PPM1G: variants seen among roughly 807,000 people sequenced by gnomAD.
PPM1G encodes protein phosphatase, Mg2+/Mn2+ dependent 1G, also known as protein phosphatase 1G.
PPM1G carries 12 observed loss-of-function variants against 59.4 expected under a neutral mutation model. The ratio of observed to expected loss-of-function variants is 0.20; its 90% CI spans 0.13 to 0.33. The LOEUF (loss-of-function observed/expected upper bound fraction) is 0.33, where lower values mean the gene tolerates loss of function less well. Ranked by LOEUF, PPM1G falls within the 10% of genes least tolerant of loss-of-function variation. PPM1G has a pLI of 1.00. For missense variants in PPM1G, 392 were observed against 681.3 expected (o/e 0.58, Z 4.73); for synonymous variants, 245 against 251.9 (o/e 0.97, Z 0.26).
chr2:27,384,634 C>A lies in PPM1G; in HGVS notation c.825+39G>T, dbSNP rs1683718091. 1 of 1,559,610 alleles carries A rather than the reference C, an allele frequency of 6.4e-7. No individual in the cohort carries two copies. Among genetic ancestry groups the A allele is most frequent in the Non-Finnish European group, 8.7e-7 (1 of 1,151,394 alleles). On this transcript the variant is annotated intron_variant, in intron 5 of 9. Coordinates refer to ENST00000344034, the MANE Select transcript of PPM1G (RefSeq NM_177983.3). The surrounding 1 kb of genome is among the most constrained non-coding windows in gnomAD (Gnocchi z 4.8). ...CAGACGGCAACCAAACAGGACCTCT[C>A]TGCAACTTCAGCATCTGCCTGCCCT... is the stretch of plus-strand genomic sequence containing the variant.
intron 1 of PPM1G, among the ~76,000 whole-genome samples, chr2:27,401,827 GAAAAAAGAAAA>G (rs1425264405): frequency 1.3e-5 from 2 of 150,054 alleles, no homozygotes; most frequent in African/African-American, 4.9e-5. Context: ...ACCCTGTCTC[GAAAAAAGAAAA>G]AAAGAAGAAA....
At position 27,382,062 on chromosome 2, in the gene PPM1G, G is replaced by C; in HGVS notation, c.1434+64C>G. Reference sequence around the variant, plus strand: ...GCTCCCAGATTGCCGACTTAGCTCAGATTAAAAGAGTGAACCCTGGCTGTG... The same window carrying C: ...GCTCCCAGATTGCCGACTTAGCTCACATTAAAAGAGTGAACCCTGGCTGTG... On this transcript the variant is annotated intron_variant, in intron 9 of 9. Transcript: ENST00000344034. This position sits in a 1 kb window ranked among gnomAD's most constrained non-coding sequence, Gnocchi z 4.2. The C allele has an allele frequency of 1.3e-6, 2 of 1,507,766 alleles. No homozygotes were observed. Among genetic ancestry groups the C allele is most frequent in the Non-Finnish European group, 1.8e-6 (2 of 1,085,304 alleles). 93.4% of individuals were successfully genotyped at this position (1,507,766 alleles called of 1,614,324 possible).
intron 1 of PPM1G, among the ~76,000 whole-genome samples, chr2:27,395,233 C>G (rs1445480447): frequency 1.1e-5 from 1 of 89,574 alleles, no homozygotes; most frequent in Non-Finnish European, 2.2e-5. Flanking sequence ...GACTCTGTCT[C>G]AAAAAAAAAA....
At chr2:27,403,929 C>T (rs533241542) in intron 1 of PPM1G, among the ~76,000 whole-genome samples, 3 of 151,612 alleles carry the variant, frequency 2.0e-5, no homozygotes, top group South Asian at 2.1e-4. Flanking sequence ...AAGTAAAAAG[C>T]GCTTTAAGCT....
At chr2:27,405,299 T>C (rs908037013) in intron 1 of PPM1G, among the ~76,000 whole-genome samples, 2 of 151,992 alleles carry the variant, frequency 1.3e-5, no homozygotes, top group Non-Finnish European at 1.5e-5. Context: ...TCTCGGTCTC[T>C]TGATCTCGTG....
chr2:27,396,044 G>A (rs568559333), intron 1 of PPM1G, among the ~76,000 whole-genome samples: 1 of 152,284 alleles, frequency 6.6e-6, no homozygotes, highest in Admixed American at 6.5e-5. Context: ...GCCAAGGCAG[G>A]TGGATAATTT....
chr2:27,403,470 T>G (rs999559293), intron 1 of PPM1G, among the ~76,000 whole-genome samples: 45 of 152,044 alleles, frequency 3.0e-4, no homozygotes, highest in African/African-American at 1.1e-3. Flanking sequence ...GAAAATAGTT[T>G]CTCCATGCTC....
chr2:27,388,982 TC>T (rs34245060), intron 1 of PPM1G, among the ~76,000 whole-genome samples: 10,262 of 150,616 alleles, frequency 0.068, 435 homozygotes, highest in African/African-American at 0.12. Flanking sequence ...TTTTCGACAT[TC>T]ATTTTTAAAT....
intron 1 of PPM1G, among the ~76,000 whole-genome samples, chr2:27,396,068 C>T (rs991838604): frequency 6.6e-6 from 1 of 151,524 alleles, no homozygotes; most frequent in African/African-American, 2.4e-5. Context: ...GTCAGGAGTT[C>T]GAGACCAGCC....
intron 1 of PPM1G, among the ~76,000 whole-genome samples, chr2:27,394,933 T>A (rs1449720775): frequency 6.6e-6 from 1 of 151,390 alleles, no homozygotes; most frequent in Non-Finnish European, 1.5e-5. Flanking sequence ...TTAAAAATAA[T>A]AATAATAAAA....
At position 27,385,524 on chromosome 2, in the gene PPM1G, G is replaced by T. The variant is rs1351172807; in HGVS notation, c.409+223C>A. ...GGAAGACCCCATCACAATGACAAAA[G>T]ATAATGTATATACAATGCTTACAGC... On this transcript the variant is annotated intron_variant, in intron 4 of 9. Transcript: ENST00000344034. This position sits in a 1 kb window ranked among gnomAD's most constrained non-coding sequence, Gnocchi z 4.1. 1 of 542,868 alleles carries T rather than the reference G, an allele frequency of 1.8e-6. No individual in the cohort carries two copies. The highest frequency in any genetic ancestry group is 3.1e-6 in the Non-Finnish European group (1 of 324,756). The allele number at this position is 542,868 out of a possible 1,614,324, so 33.6% of individuals were successfully genotyped here. A position where few individuals can be genotyped will look rare whatever the true frequency, so the allele number is the denominator to read the frequency against.
In PPM1G at chr2:27,384,219, G is replaced by T; in HGVS notation, c.826-127C>A. On this transcript the variant is annotated intron_variant, in intron 5 of 9. Coordinates refer to ENST00000344034, the MANE Select transcript of PPM1G (RefSeq NM_177983.3). This position sits in a 1 kb window ranked among gnomAD's most constrained non-coding sequence, Gnocchi z 4.8. ...AAAACACTGAAAGATACAAGTATATGGTCATGAAAATTGGGGGGATGGAAA... is the reference window on the plus strand; with the variant it reads ...AAAACACTGAAAGATACAAGTATATTGTCATGAAAATTGGGGGGATGGAAA... 1 of 1,468,892 alleles carries T rather than the reference G, an allele frequency of 6.8e-7. No individual in the cohort carries two copies. The highest frequency in any genetic ancestry group is 1.4e-5 in the African/African-American group (1 of 71,168). The allele number at this position is 1,468,892 out of a possible 1,614,324, so 91.0% of individuals were successfully genotyped here.
In PPM1G at chr2:27,381,904, G is replaced by A. The variant is rs973102531; in HGVS notation, c.1435-99C>T. Reference sequence around the variant, plus strand: ...GCTGGCTTGCTGAGTCAGGGTGGTAGGAGAGGAATGGGCAAGAGGTATCAC... The same window carrying A: ...GCTGGCTTGCTGAGTCAGGGTGGTAAGAGAGGAATGGGCAAGAGGTATCAC... On this transcript the variant is annotated intron_variant, in intron 9 of 9. Transcript: ENST00000344034. The A allele has an allele frequency of 6.4e-6, 8 of 1,254,718 alleles. No individual in the cohort carries two copies. The African/African-American group carries it at 8.8e-5, about 14-fold the overall frequency. 77.7% of individuals were successfully genotyped at this position (1,254,718 alleles called of 1,614,324 possible).
chr2:27,388,489 C>T (rs1438020482), intron 1 of PPM1G, among the ~76,000 whole-genome samples: 2 of 152,162 alleles, frequency 1.3e-5, no homozygotes, highest in African/African-American at 4.8e-5. Flanking sequence ...TACGTAACTC[C>T]AGTGGAAATG....
intron 1 of PPM1G, among the ~76,000 whole-genome samples, chr2:27,404,545 G>A (rs560449694): frequency 1.3e-5 from 2 of 149,714 alleles, no homozygotes; most frequent in South Asian, 2.1e-4. Flanking sequence ...GCGAGACTCC[G>A]TTTCAAAAAA....
At position 27,385,414 on chromosome 2, in the gene PPM1G, T is replaced by C. The variant is rs1433444959; in HGVS notation, c.410-326A>G. On this transcript the variant is annotated intron_variant, in intron 4 of 9. Coordinates refer to ENST00000344034, the MANE Select transcript of PPM1G (RefSeq NM_177983.3). This position sits in a 1 kb window ranked among gnomAD's most constrained non-coding sequence, Gnocchi z 4.1. ...CCCACAATGCTACTGTGAATTAGGA[T>C]TTAGGCTTAATGATTGGCTATTGGG... is the stretch of plus-strand genomic sequence containing the variant. The C allele has an allele frequency of 4.7e-6, 2 of 423,474 alleles. No homozygotes were observed. The highest frequency in any genetic ancestry group is 4.2e-5 in the South Asian group (1 of 23,764). The allele number at this position is 423,474 out of a possible 1,614,324, so 26.2% of individuals were successfully genotyped here.
chr2:27,405,219 G>T (rs560238105), intron 1 of PPM1G, among the ~76,000 whole-genome samples: 1 of 151,328 alleles, frequency 6.6e-6, no homozygotes, highest in African/African-American at 2.4e-5. Flanking sequence ...GACTACAGGC[G>T]TGCGCCACCA....
chr2:27,393,249 T>G, intron 1 of PPM1G: 1 of 1,582,328 alleles, frequency 6.3e-7, no homozygotes, highest in Non-Finnish European at 8.6e-7. Flanking sequence ...GTCAAAGTAG[T>G]AAGCCACGCA....
At chr2:27,396,725 GA>G (rs2148424686) in intron 1 of PPM1G, among the ~76,000 whole-genome samples, 1 of 148,390 alleles carries the variant, frequency 6.7e-6, no homozygotes, top group South Asian at 2.1e-4. Flanking sequence ...TGAGGCAGGA[GA>G]ATCTCTTGAG....
Sources: gnomAD v4.1 joint callset for allele counts (sites outside exome capture counted in the v4.1 genomes callset) on GRCh38, gnomAD v4.1.1 for gene constraint, Gnocchi (gnomAD v3.1) non-coding constraint, MANE v1.5 for transcripts, NCBI Gene and HGNC (gene_info 2026-07-23, HGNC 2026-07-21) for gene names.